DCDC2C: variants seen among roughly 807,000 people sequenced by gnomAD.
The protein encoded by DCDC2C is doublecortin domain-containing protein 2C.
In DCDC2C, 44 loss-of-function variants were observed where a neutral mutation model predicts 45.0. The ratio of observed to expected loss-of-function variants is 0.98; its 90% CI spans 0.77 to 1.26. DCDC2C has a LOEUF of 1.26. DCDC2C is among the 50% of genes most tolerant of loss of function. The pLI, the probability that DCDC2C is intolerant of heterozygous loss-of-function variation, is 0.00. For synonymous variants in DCDC2C, 187 were observed against 178.8 expected, an observed-to-expected ratio of 1.05 and a Z score of -0.37; for missense variants, 447 against 468.9, an observed-to-expected ratio of 0.95 and a Z score of 0.43.
chr2:3,708,210 C>T (rs17017904), intron 1 of DCDC2C, among the ~76,000 whole-genome samples: 15,583 of 152,076 alleles, frequency 0.1, 1,687 homozygotes, highest in African/African-American at 0.27. Context: ...TTGATGAGCT[C>T]GCAGTTCTGG....
At chr2:3,819,355 C>T (rs758988980) in intron 10 of DCDC2C, among the ~76,000 whole-genome samples, 7 of 152,238 alleles carry the variant, frequency 4.6e-5, no homozygotes, top group Non-Finnish European at 8.8e-5. Flanking sequence ...AGATATCCGG[C>T]ACTTGAAGCA....
At position 3,847,294 on chromosome 2, in the gene DCDC2C, G is replaced by C; in HGVS notation, c.*111G>C. 1.4e-6 allele frequency: 1 copy of C among 706,204 alleles called. No homozygotes were observed. The allele number at this position is 706,204 out of a possible 1,614,324, so 43.7% of individuals were successfully genotyped here. A position where few individuals can be genotyped will look rare whatever the true frequency, so the allele number is the denominator to read the frequency against. On this transcript the variant is annotated 3_prime_UTR_variant, in exon 11 of 11. Transcript: ENST00000399143. ...AAATCACATGTGGGGTGAAACTAAA[G>C]CCCCACACAGTGGTGTCTTCTCGAA...
intron 2 of DCDC2C, among the ~76,000 whole-genome samples, chr2:3,725,669 A>G (rs71449686): frequency 0.47 from 44,395 of 95,408 alleles, 10,517 homozygotes; most frequent in Non-Finnish European, 0.51. Context: ...AGATGAGCAG[A>G]GAGTGAGGAG....
At chr2:3,814,132 A>G (rs988487990) in intron 10 of DCDC2C, among the ~76,000 whole-genome samples, 2 of 151,218 alleles carry the variant, frequency 1.3e-5, no homozygotes, top group South Asian at 4.2e-4. Flanking sequence ...CAGCTTTTCC[A>G]TTTTCCCCAC....
At chr2:3,759,479 C>T (rs1481884440) in intron 6 of DCDC2C, among the ~76,000 whole-genome samples, 2 of 152,090 alleles carry the variant, frequency 1.3e-5, no homozygotes, top group Admixed American at 6.5e-5. Flanking sequence ...GATTCAAAGA[C>T]GTGAGATGGA....
chr2:3,829,742 A>G lies in DCDC2C; in HGVS notation c.1066-17412A>G, dbSNP rs148253222. 3.9e-3 allele frequency among the ~76,000 whole-genome samples: 590 copies of G among 152,168 alleles called. 18 individuals carry two copies. Among genetic ancestry groups the G allele is most frequent in the Admixed American group, 0.034 (525 of 15,284 alleles). On this transcript the variant is annotated intron_variant, in intron 10 of 10. Coordinates refer to ENST00000399143, the MANE Select transcript of DCDC2C (RefSeq NM_001287444.2). ...CCCTGCTGTTTTTATGATTTTCGTT[A>G]AGACCACCCCAAGCAGAGTAGAAAA...
chr2:3,721,911 T>C (rs972827292), intron 2 of DCDC2C, among the ~76,000 whole-genome samples: 2 of 152,240 alleles, frequency 1.3e-5, no homozygotes, highest in South Asian at 2.1e-4. Flanking sequence ...TCCCCAGCCA[T>C]AGGGAACTAT....
chr2:3,805,659 G>A (rs568844994), intron 10 of DCDC2C, among the ~76,000 whole-genome samples: 35 of 152,278 alleles, frequency 2.3e-4, no homozygotes, highest in African/African-American at 7.9e-4. Flanking sequence ...TCGCAAATAC[G>A]TTTTTAGTGT....
intron 6 of DCDC2C, among the ~76,000 whole-genome samples, chr2:3,755,066 C>T (rs886700315): frequency 4.6e-5 from 7 of 152,040 alleles, no homozygotes; most frequent in Non-Finnish European, 7.4e-5. Context: ...TGCACATGTG[C>T]GTGTGTGTGA....
intron 1 of DCDC2C, among the ~76,000 whole-genome samples, chr2:3,706,385 G>A (rs561273721): frequency 1.5e-4 from 23 of 152,174 alleles, no homozygotes; most frequent in African/African-American, 5.3e-4. Flanking sequence ...GAGACCCAAA[G>A]GACATAATTT....
intron 10 of DCDC2C, among the ~76,000 whole-genome samples, chr2:3,800,215 C>T (rs1235900264): frequency 6.6e-6 from 1 of 152,202 alleles, no homozygotes; most frequent in Non-Finnish European, 1.5e-5. Flanking sequence ...CAATGCCTCG[C>T]CCTGCTTCAG....
chr2:3,742,926 G>A (rs113032264), intron 4 of DCDC2C, among the ~76,000 whole-genome samples: 3,100 of 152,328 alleles, frequency 0.02, 114 homozygotes, highest in African/African-American at 0.072. Flanking sequence ...AAAGCTCACA[G>A]TGGTGCTAGT....
At position 3,771,250 on chromosome 2, in the gene DCDC2C, C is replaced by T. The variant is rs145165540; in HGVS notation, c.954+1839C>T. ...TCCTGCACAGCACACCTGGGGAGGA[C>T]GTTGCCTCACCTTGTCTCCCACTCG... On this transcript the variant is annotated intron_variant, in intron 8 of 10. Coordinates refer to ENST00000399143, the MANE Select transcript of DCDC2C (RefSeq NM_001287444.2). Among the ~76,000 whole-genome samples the T allele has an allele frequency of 5.1e-4, 78 of 152,300 alleles. 1 individual carries two copies. The East Asian group carries it at 0.012, about 23-fold the overall frequency.
intron 8 of DCDC2C, among the ~76,000 whole-genome samples, chr2:3,770,013 G>A (rs1457063138): frequency 6.6e-6 from 1 of 152,156 alleles, no homozygotes; most frequent in African/African-American, 2.4e-5. Context: ...AGGGTTCTGA[G>A]AAGGGGCGGG....
At chr2:3,714,146 C>T (rs1572551707) in intron 2 of DCDC2C, among the ~76,000 whole-genome samples, 1 of 151,892 alleles carries the variant, frequency 6.6e-6, no homozygotes, top group Admixed American at 6.6e-5. Context: ...AAGAAGCTTC[C>T]CAAGAGATTT....
At chr2:3,831,836 A>G (rs779275176) in intron 10 of DCDC2C, among the ~76,000 whole-genome samples, 2 of 152,228 alleles carry the variant, frequency 1.3e-5, no homozygotes, top group Non-Finnish European at 2.9e-5. Context: ...TACAAAAGGA[A>G]CTGCACATGG....
At chr2:3,776,318 C>G (rs955010658) in intron 8 of DCDC2C, among the ~76,000 whole-genome samples, 2 of 152,186 alleles carry the variant, frequency 1.3e-5, no homozygotes, top group Admixed American at 1.3e-4. Flanking sequence ...ATGCGTGGAG[C>G]TGGTCTGCAG....
chr2:3,779,704 G>A (rs972316470), intron 9 of DCDC2C, among the ~76,000 whole-genome samples: 1 of 152,182 alleles, frequency 6.6e-6, no homozygotes, highest in African/African-American at 2.4e-5. Flanking sequence ...CATTAAGTCT[G>A]AGAGTTGCAG....
chr2:3,829,284 C>CTTT (rs5828893), intron 10 of DCDC2C, among the ~76,000 whole-genome samples: 1 of 129,592 alleles, frequency 7.7e-6, no homozygotes, highest in African/African-American at 2.9e-5. Flanking sequence ...ATGTCTTTTT[C>CTTT]TTTTTTTTTT....
Sources: gnomAD v4.1 joint callset for allele counts (sites outside exome capture counted in the v4.1 genomes callset) on GRCh38, gnomAD v4.1.1 for gene constraint, MANE v1.5 for transcripts, NCBI Gene and HGNC (gene_info 2026-07-23, HGNC 2026-07-21) for gene names.